The following PCBP3 variants were observed in gnomAD, a reference collection of about 807,000 sequenced individuals.
The protein encoded by PCBP3 is poly(rC) binding protein 3.
A neutral mutation model predicts 52.7 loss-of-function variants in PCBP3; 25 were observed. That is an observed-to-expected ratio of 0.47 (90% CI 0.35 to 0.66). PCBP3 has a LOEUF of 0.66. Among genes scored for constraint, PCBP3 ranks in the 30% least tolerant of loss-of-function variants. The pLI is 0.01. For missense variants in PCBP3, 391 were observed against 490.3 expected (o/e 0.80, Z 1.91); for synonymous variants, 162 against 183.0 (o/e 0.89, Z 0.93).
chr21:45,929,794 C>A, intron 13 of PCBP3, 123 bp from the exon 14 acceptor site: 1 of 733,474 alleles, frequency 1.4e-6, no homozygotes, highest in Non-Finnish European at 2.4e-6. Flanking sequence ...TTGCATCTGC[C>A]ATGTGTCCGC....
At chr21:45,803,536 C>T (rs551828513) in intron 4 of PCBP3, among the ~76,000 whole-genome samples, 216 of 152,158 alleles carry the variant, frequency 1.4e-3, no homozygotes, top group African/African-American at 4.8e-3. Context: ...GTTGTTAGGT[C>T]GGGAAAAAGC....
rs554648337 is a variant in PCBP3, at chr21:45,882,827, G to T, written c.11-13381G>T. Among the ~76,000 whole-genome samples the T allele has an allele frequency of 3.9e-5, 6 of 152,240 alleles. No individual in the cohort carries two copies. In the South Asian group the frequency reaches 1.2e-3, roughly 32 times the overall value. On this transcript the variant is annotated intron_variant, in intron 5 of 17. Transcript: ENST00000681687. ...CTGGTGTCTTTATTGTAGATGGATT[G>T]GCTGCAGCTGCGGGGTTTCCTGCCA...
intron 1 of PCBP3, among the ~76,000 whole-genome samples, chr21:45,652,928 C>G (rs901361872): frequency 6.6e-6 from 1 of 152,026 alleles, no homozygotes; most frequent in South Asian, 2.1e-4. Context: ...TAAACAATGC[C>G]TCAACTACAT....
At chr21:45,883,072 C>T (rs554504429) in intron 5 of PCBP3, among the ~76,000 whole-genome samples, 3 of 152,272 alleles carry the variant, frequency 2.0e-5, no homozygotes, top group African/African-American at 7.2e-5. Context: ...TAGTTGTGTC[C>T]TGCGATTTTT....
Position 45,739,586 on chromosome 21 carries a change from GC to G in PCBP3, c.-162+4166del, listed in dbSNP as rs398036502. On this transcript the variant is annotated intron_variant, in intron 3 of 17. Transcript: ENST00000681687. ...CCTTCCTGTCCATTGTCCTCTGGGT[GC>G]CCCCCCCCATCTTCATCAGCCCACC... Among the ~76,000 whole-genome samples, 113 of 27,984 alleles carry G rather than the reference GC, an allele frequency of 4.0e-3. 4 individuals are homozygous for G. Among genetic ancestry groups the G allele is most frequent in the Non-Finnish European group, 5.7e-3 (94 of 16,394 alleles). 18.4% of individuals were successfully genotyped at this position (27,984 alleles called of 152,430 possible). A position where few individuals can be genotyped will look rare whatever the true frequency, so the allele number is the denominator to read the frequency against.
At position 45,850,096 on chromosome 21, in the gene PCBP3, G is replaced by A. The variant is rs2093934744; in HGVS notation, c.10+1G>A. The A allele has an allele frequency of 6.4e-7, 1 of 1,550,436 alleles. No individual in the cohort carries two copies. The highest frequency in any genetic ancestry group is 8.7e-7 in the Non-Finnish European group (1 of 1,145,810). ...CCTTATAGCCTGCTTATGGGGGAAGGTGAGTTACTGTCTTTTGTTTCCATG... is the reference window on the plus strand; with the variant it reads ...CCTTATAGCCTGCTTATGGGGGAAGATGAGTTACTGTCTTTTGTTTCCATG... On this transcript the variant is annotated splice_donor_variant, in intron 5 of 17. Coordinates refer to ENST00000681687, the MANE Select transcript of PCBP3 (RefSeq NM_001384156.1). LOFTEE classifies it high-confidence loss of function.
chr21:45,877,353 G>A (rs2095287292), intron 5 of PCBP3, among the ~76,000 whole-genome samples: 1 of 152,156 alleles, frequency 6.6e-6, no homozygotes, highest in Non-Finnish European at 1.5e-5. Flanking sequence ...GCCCTGTGTG[G>A]CCGCTGTTTC....
intron 2 of PCBP3, among the ~76,000 whole-genome samples, chr21:45,679,705 G>A (rs2081712684): frequency 1.3e-5 from 2 of 152,182 alleles, no homozygotes; most frequent in African/African-American, 2.4e-5. Flanking sequence ...CAGGGCTTTT[G>A]CAGATAAAAT....
Position 45,835,821 on chromosome 21 carries a change from C to T in PCBP3, c.-125-14140C>T, listed in dbSNP as rs62214607. The stretch of plus-strand genomic sequence containing the variant: ...TGGGCCCAGGGTCTTGAGCTTGACC[C>T]GCAGGAGGTCTGGGCCTTATGCCCT... On this transcript the variant is annotated intron_variant, in intron 4 of 17. Coordinates refer to ENST00000681687, the MANE Select transcript of PCBP3 (RefSeq NM_001384156.1). 6.6e-3 allele frequency among the ~76,000 whole-genome samples: 1,004 copies of T among 152,190 alleles called. 9 individuals carry two copies. Among genetic ancestry groups the T allele is most frequent in the Non-Finnish European group, 0.01 (701 of 67,976 alleles).
chr21:45,727,720 G>C (rs910969282), intron 2 of PCBP3, among the ~76,000 whole-genome samples: 3 of 152,158 alleles, frequency 2.0e-5, no homozygotes, highest in Non-Finnish European at 4.4e-5. Flanking sequence ...GAGGTGGTTG[G>C]GGTGTGGGCT....
At chr21:45,781,383 G>A (rs1035257901) in intron 4 of PCBP3, among the ~76,000 whole-genome samples, 7 of 152,150 alleles carry the variant, frequency 4.6e-5, no homozygotes, top group Non-Finnish European at 1.0e-4. Context: ...CACAAACGAA[G>A]ACATGTGACT....
intron 4 of PCBP3, among the ~76,000 whole-genome samples, chr21:45,815,676 G>C (rs2092907946): frequency 1.1e-5 from 1 of 92,084 alleles, no homozygotes; most frequent in Non-Finnish European, 2.1e-5. Flanking sequence ...AGTGATGAGT[G>C]AGTGGTGAGT....
intron 1 of PCBP3, among the ~76,000 whole-genome samples, chr21:45,648,786 T>G (rs1415264728): frequency 6.6e-6 from 1 of 152,254 alleles, no homozygotes; most frequent in Non-Finnish European, 1.5e-5. Context: ...CACTTGAGCT[T>G]CTTCTAAAAA....
At chr21:45,694,760 G>A (rs1027485863) in intron 2 of PCBP3, among the ~76,000 whole-genome samples, 1 of 152,100 alleles carries the variant, frequency 6.6e-6, no homozygotes, top group Non-Finnish European at 1.5e-5. Context: ...AATAAAACCA[G>A]TGCCTCTATA....
chr21:45,774,405 A>G (rs1448170977), intron 4 of PCBP3, among the ~76,000 whole-genome samples: 1 of 151,952 alleles, frequency 6.6e-6, no homozygotes. Context: ...AAAAAAAAGA[A>G]AAAAAAGTCT....
intron 5 of PCBP3, among the ~76,000 whole-genome samples, chr21:45,852,739 G>A (rs2094094622): frequency 6.6e-6 from 1 of 152,156 alleles, no homozygotes. Context: ...CAGCCCTGCA[G>A]CCACCGTGAC....
chr21:45,681,937 A>G (rs147475874), intron 2 of PCBP3, among the ~76,000 whole-genome samples: 1,587 of 152,260 alleles, frequency 0.01, 24 homozygotes, highest in African/African-American at 0.035. Flanking sequence ...ATAATAACAG[A>G]TATAATATAG....
intron 9 of PCBP3, among the ~76,000 whole-genome samples, chr21:45,906,044 C>G (rs2096195717): frequency 6.6e-6 from 1 of 152,172 alleles, no homozygotes; most frequent in African/African-American, 2.4e-5. Flanking sequence ...AGATTTAGGT[C>G]TTCTAAGTCT....
intron 4 of PCBP3, among the ~76,000 whole-genome samples, chr21:45,801,052 A>C (rs987373282): frequency 1.3e-5 from 2 of 151,780 alleles, no homozygotes; most frequent in African/African-American, 4.8e-5. Context: ...CCACTCTCCA[A>C]CTCTGGCAAT....
Sources: gnomAD v4.1 joint callset for allele counts (sites outside exome capture counted in the v4.1 genomes callset) on GRCh38, gnomAD v4.1.1 for gene constraint, MANE v1.5 for transcripts, NCBI Gene and HGNC (gene_info 2026-07-23, HGNC 2026-07-21) for gene names.